Variants in THSD7B observed in about 807,000 individuals in gnomAD.
THSD7B encodes thrombospondin type-1 domain-containing protein 7B.
In THSD7B, 138 loss-of-function variants were observed where a neutral mutation model predicts 213.6. The observed-to-expected ratio is 0.65, with a 90% CI of 0.56 to 0.74. The LOEUF is 0.74. THSD7B is among the 30% of genes least tolerant of loss of function. The probability of loss-of-function intolerance (pLI) is 0.00; values close to 1 mark genes in which losing one functional copy is unlikely to be tolerated. For synonymous variants in THSD7B, 742 were observed against 687.0 expected, an observed-to-expected ratio of 1.08 and a Z score of -1.25; for missense variants, 1,931 against 1,991.5, an observed-to-expected ratio of 0.97 and a Z score of 0.58.
At chr2:137,283,337 G>A (rs952539141) in intron 12 of THSD7B, among the ~76,000 whole-genome samples, 15 of 151,940 alleles carry the variant, frequency 9.9e-5, no homozygotes, top group African/African-American at 2.7e-4. Context: ...TTATACAATC[G>A]TGTCATCTGC....
chr2:137,292,064 T>G (rs1382797153), intron 12 of THSD7B, among the ~76,000 whole-genome samples: 1 of 152,110 alleles, frequency 6.6e-6, no homozygotes, highest in Non-Finnish European at 1.5e-5. Context: ...GTGCTGAGAT[T>G]CAGAAATGCT....
At chr2:137,404,430 G>T (rs1391356013) in intron 12 of THSD7B, among the ~76,000 whole-genome samples, 5 of 49,312 alleles carry the variant, frequency 1.0e-4, no homozygotes, top group African/African-American at 3.4e-4. Context: ...GAAACTCTGA[G>T]ATATATATAT....
chr2:137,054,293 T>C (rs1687120283), intron 2 of THSD7B, among the ~76,000 whole-genome samples: 1 of 152,212 alleles, frequency 6.6e-6, no homozygotes, highest in South Asian at 2.1e-4. Flanking sequence ...TGAAACCTGT[T>C]CTGTTTCAGC....
intron 12 of THSD7B, among the ~76,000 whole-genome samples, chr2:137,290,321 C>T (rs1427546278): frequency 6.6e-6 from 1 of 152,018 alleles, no homozygotes; most frequent in Non-Finnish European, 1.5e-5. Flanking sequence ...GATCTCCTGA[C>T]CTCGTGATCT....
intron 14 of THSD7B, among the ~76,000 whole-genome samples, chr2:137,419,928 C>T (rs1038879045): frequency 6.6e-6 from 1 of 152,038 alleles, no homozygotes; most frequent in African/African-American, 2.4e-5. Context: ...TACCCCTTTG[C>T]TATATTGACT....
chr2:137,142,746 C>G (rs1044225473), intron 5 of THSD7B, among the ~76,000 whole-genome samples: 7 of 152,012 alleles, frequency 4.6e-5, no homozygotes, highest in Non-Finnish European at 8.8e-5. Flanking sequence ...TTGCTTCTAA[C>G]TTAAATATTT....
chr2:137,174,389 A>G (rs992258765), intron 7 of THSD7B, among the ~76,000 whole-genome samples: 4 of 152,204 alleles, frequency 2.6e-5, no homozygotes, highest in African/African-American at 4.8e-5. Context: ...TGTTTAGACC[A>G]TTAGCTTACA....
At chr2:136,795,212 C>T (rs1255854258) in intron 1 of THSD7B, among the ~76,000 whole-genome samples, 1 of 151,932 alleles carries the variant, frequency 6.6e-6, no homozygotes, top group African/African-American at 2.4e-5. Flanking sequence ...GAGGTGTCAG[C>T]AGGGCTGTAT....
chr2:137,272,730 A>AC, intron 11 of THSD7B, 68 bp downstream of exon 11: 4 of 1,525,080 alleles, frequency 2.6e-6, no homozygotes, highest in Non-Finnish European at 3.5e-6. Flanking sequence ...CTTTCACATA[A>AC]CATATGGTCG....
intron 12 of THSD7B, among the ~76,000 whole-genome samples, chr2:137,276,434 C>T (rs966895660): frequency 1.3e-5 from 2 of 151,970 alleles, no homozygotes; most frequent in East Asian, 3.9e-4. Context: ...AATGAATTGA[C>T]TAATCTTAAT....
At chr2:137,631,727 T>C (rs1302401181) in intron 20 of THSD7B, among the ~76,000 whole-genome samples, 1 of 152,172 alleles carries the variant, frequency 6.6e-6, no homozygotes, top group African/African-American at 2.4e-5. Context: ...AATTCGTTCT[T>C]ATGGCAAAAG....
chr2:136,873,516 G>C (rs183259625), intron 1 of THSD7B, among the ~76,000 whole-genome samples: 227 of 152,308 alleles, frequency 1.5e-3, no homozygotes, highest in Non-Finnish European at 2.7e-3. Flanking sequence ...CGCAGGGTCA[G>C]TGTGAATCTT....
intron 16 of THSD7B, among the ~76,000 whole-genome samples, chr2:137,571,104 T>C (rs1681346324): frequency 6.6e-6 from 1 of 152,166 alleles, no homozygotes; most frequent in Non-Finnish European, 1.5e-5. Flanking sequence ...CAAGACTACC[T>C]AAGTCCCTAT....
At chr2:137,070,888 G>A (rs1207650033) in intron 3 of THSD7B, among the ~76,000 whole-genome samples, 1 of 152,172 alleles carries the variant, frequency 6.6e-6, no homozygotes, top group South Asian at 2.1e-4. Flanking sequence ...CAAAGGACAT[G>A]AAGTCATCAT....
At chr2:137,374,679 T>C (rs926081514) in intron 12 of THSD7B, among the ~76,000 whole-genome samples, 2 of 152,196 alleles carry the variant, frequency 1.3e-5, no homozygotes, top group African/African-American at 4.8e-5. Context: ...AGTGCTTGCT[T>C]TAGTACCAGC....
intron 17 of THSD7B, among the ~76,000 whole-genome samples, chr2:137,587,804 G>T (rs1681771399): frequency 6.6e-6 from 1 of 152,208 alleles, no homozygotes; most frequent in Non-Finnish European, 1.5e-5. Context: ...TTAGGAGGCA[G>T]TCTGTCCATT....
At chr2:137,587,621 G>A (rs1432448226) in intron 17 of THSD7B, among the ~76,000 whole-genome samples, 2 of 152,188 alleles carry the variant, frequency 1.3e-5, no homozygotes, top group Non-Finnish European at 2.9e-5. Flanking sequence ...TGTTTGCCTG[G>A]GTATCAGCAG....
rs560280610 is a variant in THSD7B, at chr2:136,882,811, C to T, written c.139+494C>T. Among the ~76,000 whole-genome samples, 10 of 152,202 alleles carry T rather than the reference C, an allele frequency of 6.6e-5. No individual in the cohort carries two copies. In the South Asian group the frequency reaches 1.2e-3, roughly 19 times the overall value. Reference sequence around the variant, plus strand: ...CTCATTAGTTGTGACTGCAAAGTCACGTTAATGTATTTTGAGATTCTTAGC... The same window carrying T: ...CTCATTAGTTGTGACTGCAAAGTCATGTTAATGTATTTTGAGATTCTTAGC... On this transcript the variant is annotated intron_variant, in intron 2 of 27. Transcript: ENST00000409968.
At chr2:137,363,588 C>T (rs1685326254) in intron 12 of THSD7B, among the ~76,000 whole-genome samples, 1 of 152,098 alleles carries the variant, frequency 6.6e-6, no homozygotes, top group South Asian at 2.1e-4. Context: ...TACAAACTAC[C>T]ATCAGAGAAT....
Sources: allele counts gnomAD v4.1 joint callset (sites outside exome capture counted in the v4.1 genomes callset), GRCh38; gene constraint gnomAD v4.1.1; transcripts MANE v1.5; gene names NCBI Gene and HGNC (gene_info 2026-07-23, HGNC 2026-07-21).